Variants in BICRA observed in about 807,000 individuals in gnomAD.
The protein encoded by BICRA is BRD4 interacting chromatin remodeling complex associated protein.
A neutral mutation model predicts 96.9 loss-of-function variants in BICRA; 31 were observed. That is an observed-to-expected ratio of 0.32 (90% CI 0.24 to 0.43). The LOEUF (loss-of-function observed/expected upper bound fraction) is 0.43, where lower values mean the gene tolerates loss of function less well. BICRA is among the 20% of genes least tolerant of loss of function. The probability of loss-of-function intolerance (pLI) is 1.00; values close to 1 mark genes in which losing one functional copy is unlikely to be tolerated. For missense variants in BICRA, 2,283 were observed against 2,190.3 expected, an observed-to-expected ratio of 1.04 and a Z score of -0.84; for synonymous variants, 1,350 against 1,071.8, an observed-to-expected ratio of 1.26 and a Z score of -5.07.
chr19:47,691,425 G>A (rs1219026474), intron 7 of BICRA, among the ~76,000 whole-genome samples: 7 of 152,140 alleles, frequency 4.6e-5, no homozygotes, highest in Admixed American at 2.0e-4. Context: ...TGCCTCCCAC[G>A]TCTACCCATT....
Position 47,612,629 on chromosome 19 carries a change from GGGAGAGGGGCTGGGGGGCTGAC to G in BICRA, c.-108+3475_-108+3496del, listed in dbSNP as rs1197927428. On this transcript the variant is annotated intron_variant, in intron 1 of 14. Transcript: ENST00000594866. ...TTAGCTGTAGGGGCTGGGGGGCTGA[GGGAGAGGGGCTGGGGGGCTGAC>G]GGAGAGGGGCTGGACCCAGCTCACC... is the stretch of plus-strand genomic sequence containing the variant. Among the ~76,000 whole-genome samples the G allele has an allele frequency of 4.1e-4, 62 of 151,776 alleles. 1 individual carries two copies. The highest frequency in any genetic ancestry group is 3.4e-3 in the Middle Eastern group (1 of 294).
chr19:47,624,284 C>T (rs931122407), intron 1 of BICRA, among the ~76,000 whole-genome samples: 2 of 152,068 alleles, frequency 1.3e-5, no homozygotes, highest in Admixed American at 6.6e-5. Flanking sequence ...CTCCCCACCT[C>T]GGCCTGCACT....
chr19:47,682,674 CTCT>C (rs944766551), intron 7 of BICRA, among the ~76,000 whole-genome samples: 6 of 133,788 alleles, frequency 4.5e-5, no homozygotes, highest in Middle Eastern at 3.9e-3. Flanking sequence ...CATTCTCTCT[CTCT>C]TTTTTTTTTT....
At position 47,695,348 on chromosome 19, in the gene BICRA, A is replaced by ACCC; in HGVS notation, c.3077-15_3077-13dup. The ACCC allele has an allele frequency of 8.2e-6, 3 of 365,002 alleles. No individual in the cohort carries two copies. The highest frequency in any genetic ancestry group is 5.1e-6 in the Non-Finnish European group (1 of 197,044). The allele number at this position is 365,002 out of a possible 1,614,324, so 22.6% of individuals were successfully genotyped here. A position where few individuals can be genotyped will look rare whatever the true frequency, so the allele number is the denominator to read the frequency against. Reference sequence around the variant, plus strand: ...AGTGACCGCAGGCCCTGTCTCCCCCACCCCACCCACCCCCAGGCCTCCCTC... The same window carrying ACCC: ...AGTGACCGCAGGCCCTGTCTCCCCCACCCCCCCACCCACCCCCAGGCCTCCCTC... On this transcript the variant is annotated splice_polypyrimidine_tract_variant and intron_variant, in intron 9 of 14. Coordinates refer to ENST00000594866, the MANE Select transcript of BICRA (RefSeq NM_001394372.1).
At chr19:47,611,795 G>GT (rs1971911061) in intron 1 of BICRA, among the ~76,000 whole-genome samples, 1 of 152,058 alleles carries the variant, frequency 6.6e-6, no homozygotes, top group Admixed American at 6.6e-5. Flanking sequence ...TTATCCAAAC[G>GT]TGTCATTCAT....
chr19:47,669,196 C>A (rs1972827322), intron 1 of BICRA, among the ~76,000 whole-genome samples: 1 of 152,074 alleles, frequency 6.6e-6, no homozygotes, highest in Non-Finnish European at 1.5e-5. Flanking sequence ...TGTGATGTGC[C>A]TTCTGGAGAA....
chr19:47,612,398 A>G (rs1971921223), intron 1 of BICRA, among the ~76,000 whole-genome samples: 1 of 151,428 alleles, frequency 6.6e-6, no homozygotes, highest in South Asian at 2.1e-4. Context: ...CCTGGGCAAG[A>G]GTGAGACCCT....
chr19:47,610,550 T>C (rs1164221217), intron 1 of BICRA, among the ~76,000 whole-genome samples: 1 of 151,792 alleles, frequency 6.6e-6, no homozygotes, highest in African/African-American at 2.4e-5. Context: ...GGTGTCCCCA[T>C]CCTGGTGGGC....
rs1331457750 is a variant in BICRA at position 47,702,274 on chromosome 19, C to T, written c.4542C>T (p.Ala1514=). ...AIDSILNLQQ[A]PGRTPAPSYP... is the part of the protein sequence containing the mutation. ...ACAGCATCCTGAACCTGCAGCAGGC[C>T]CCCGGCCGGACGCCCGCGCCCTCGT... Residue 1514 remains alanine, a synonymous_variant, in exon 15 of 15, where the codon GCC becomes GCT. Transcript: ENST00000594866. The T allele has an allele frequency of 2.5e-6, 4 of 1,596,068 alleles. No individual in the cohort carries two copies. In the African/African-American group the frequency reaches 4.0e-5, roughly 16 times the overall value.
At chr19:47,650,221 C>T (rs957847194) in intron 1 of BICRA, among the ~76,000 whole-genome samples, 74 of 152,068 alleles carry the variant, frequency 4.9e-4, no homozygotes, top group African/African-American at 1.7e-3. Flanking sequence ...AACCCTCCAC[C>T]ACCCAGGGTC....
intron 10 of BICRA, among the ~76,000 whole-genome samples, chr19:47,695,842 C>T (rs887119507): frequency 2.0e-5 from 3 of 151,898 alleles, no homozygotes; most frequent in Non-Finnish European, 2.9e-5. Flanking sequence ...TGAGACAGAC[C>T]GGAGACGGAG....
chr19:47,658,999 G>A (rs1271812298), intron 1 of BICRA, among the ~76,000 whole-genome samples: 5 of 152,114 alleles, frequency 3.3e-5, no homozygotes, highest in African/African-American at 9.7e-5. Context: ...CTCTCCCAGG[G>A]TTTTTCCTGT....
At chr19:47,665,388 G>C (rs780108883) in intron 1 of BICRA, among the ~76,000 whole-genome samples, 2 of 152,190 alleles carry the variant, frequency 1.3e-5, no homozygotes, top group Non-Finnish European at 2.9e-5. Flanking sequence ...AAAAGTTCCT[G>C]TCCTGGGGGA....
Position 47,680,403 on chromosome 19 carries a change from G to A in BICRA, c.1233G>A (p.Leu411=), listed in dbSNP as rs145963832. Reference sequence around the variant, plus strand: ...GGAAGGCGGGCCAGAACGTGGTGCTGTCGGGCTTCCCCGCGCCTGCGCTGC... The same window carrying A: ...GGAAGGCGGGCCAGAACGTGGTGCTATCGGGCTTCCCCGCGCCTGCGCTGC... ...AAGKAGQNVV[L]SGFPAPALQA... Residue 411 remains leucine (L), a synonymous_variant, in exon 6 of 15, where the codon CTG becomes CTA. Transcript: ENST00000594866. The A allele has an allele frequency of 5.8e-3, 8,861 of 1,534,730 alleles. 80 individuals are homozygous for A. The highest frequency in any genetic ancestry group is 0.036 in the African/African-American group (2,640 of 72,916).
At chr19:47,644,026 C>A (rs138175481) in intron 1 of BICRA, among the ~76,000 whole-genome samples, 146 of 152,144 alleles carry the variant, frequency 9.6e-4, no homozygotes, top group Non-Finnish European at 1.5e-3. Flanking sequence ...TTATTTATTT[C>A]TTTATTTTTT....
intron 7 of BICRA, among the ~76,000 whole-genome samples, chr19:47,690,532 G>A (rs1241622761): frequency 6.6e-6 from 1 of 152,086 alleles, no homozygotes; most frequent in Non-Finnish European, 1.5e-5. Context: ...TGGTACCCTA[G>A]GGTGAAAAAT....
intron 9 of BICRA, 21 bp from the exon 10 acceptor site, chr19:47,695,342 TCC>T: frequency 7.9e-6 from 5 of 630,176 alleles, no homozygotes; most frequent in South Asian, 3.9e-5. Context: ...AGGCCCTGTC[TCC>T]CCCACCCCAC....
At chr19:47,622,741 A>AAAAAAATTTAGGAGTGGGCCGGGTGCG (rs1972083359) in intron 1 of BICRA, among the ~76,000 whole-genome samples, 2 of 142,538 alleles carry the variant, frequency 1.4e-5, no homozygotes, top group Admixed American at 1.4e-4. Context: ...AAAAAAAAAA[A>AAAAAAATTTAGGAGTGGGCCGGGTGCG]AAAAAATTTA....
At chr19:47,673,657 C>A in intron 3 of BICRA, 42 bp downstream of exon 3, 2 of 1,516,380 alleles carry the variant, frequency 1.3e-6, no homozygotes. Context: ...TGTCTCAACC[C>A]CCTCCCTTCC....
Sources: allele counts gnomAD v4.1 joint callset (sites outside exome capture counted in the v4.1 genomes callset), GRCh38; gene constraint gnomAD v4.1.1; transcripts MANE v1.5; gene names NCBI Gene and HGNC (gene_info 2026-07-23, HGNC 2026-07-21).